The following DNAJC12 variants were observed in gnomAD, a reference collection of about 807,000 sequenced individuals.
The protein encoded by DNAJC12 is dnaJ homolog subfamily C member 12.
DNAJC12 carries 25 observed loss-of-function variants against 28.5 expected under a neutral mutation model. That is an observed-to-expected ratio of 0.88 (90% CI 0.64 to 1.22). The LOEUF (loss-of-function observed/expected upper bound fraction) is 1.22. DNAJC12 is among the 50% of genes most tolerant of loss of function. The pLI is 0.00. For missense variants in DNAJC12, 222 were observed against 231.7 expected (o/e 0.96, Z 0.27); for synonymous variants, 77 against 80.6 (o/e 0.95, Z 0.24).
chr10:67,808,683 T>A (rs1444942996), intron 3 of DNAJC12: 3 of 152,174 alleles, frequency 2.0e-5, no homozygotes, highest in African/African-American at 7.2e-5. Flanking sequence ...GCACAACATT[T>A]TTTTAAATCC....
At position 67,797,216 on chromosome 10, in the gene DNAJC12, A is replaced by G. The variant is rs1207628127; in HGVS notation, c.503-6T>C. ...ACCATTCACATCTGCAAAACCTTTA[A>G]AGGAAAGAAAGTAAATATTTAAAAT... On this transcript the variant is annotated splice_polypyrimidine_tract_variant and splice_region_variant and intron_variant, in intron 4 of 4. Transcript: ENST00000225171. 3 of 1,610,988 alleles carry G rather than the reference A, an allele frequency of 1.9e-6. No homozygotes were observed. In the South Asian group the frequency reaches 3.3e-5, roughly 18 times the overall value.
At chr10:67,803,764 G>T (rs907193763) in intron 4 of DNAJC12, among the ~76,000 whole-genome samples, 23 of 152,202 alleles carry the variant, frequency 1.5e-4, no homozygotes, top group African/African-American at 5.1e-4. Flanking sequence ...GTAGGGGAGT[G>T]ATTGTACTCC....
Position 67,811,616 on chromosome 10 carries a change from C to T in DNAJC12, c.205G>A (p.Glu69Lys). The change falls in exon 3 of 5, where the codon GAA becomes AAA. Residue 69 changes from glutamate to lysine, a missense_variant. Transcript: ENST00000225171. ...LQKAKEILTN[E>K]ESRARYDHWR... ...TGGTCATAGCGGGCTCGACTCTCTT[C>T]ATTGGTCAGAATCTCCTTTGCCTTC... The T allele has an allele frequency of 6.2e-7, 1 of 1,614,210 alleles. No individual in the cohort carries two copies. The highest frequency in any genetic ancestry group is 1.1e-5 in the South Asian group (1 of 91,082).
At position 67,796,860 on chromosome 10, in the gene DNAJC12, A is replaced by G; in HGVS notation, c.*256T>C. ...ATGGATTTCTATAAGTAGTATTAAT[A>G]GGAAAAAGCATATAATACAATCTAC... On this transcript the variant is annotated 3_prime_UTR_variant, in exon 5 of 5. Transcript: ENST00000225171. 1 of 292,434 alleles carries G rather than the reference A, an allele frequency of 3.4e-6. No individual in the cohort carries two copies. The highest frequency in any genetic ancestry group is 4.9e-5 in the Admixed American group (1 of 20,590). The allele number at this position is 292,434 out of a possible 1,614,324, so 18.1% of individuals were successfully genotyped here.
chr10:67,823,069 G>A (rs1841995854), intron 2 of DNAJC12, among the ~76,000 whole-genome samples: 1 of 151,680 alleles, frequency 6.6e-6, no homozygotes, highest in Non-Finnish European at 1.5e-5. Context: ...AATAAAGCAT[G>A]AACTAGAAGA....
intron 2 of DNAJC12, among the ~76,000 whole-genome samples, chr10:67,819,763 GAA>G (rs368921378): frequency 0.16 from 3,760 of 23,114 alleles, 427 homozygotes; most frequent in East Asian, 0.3. Context: ...AGGAAGGAAG[GAA>G]GGAAGGAAGG....
chr10:67,825,629 T>C (rs1000413563), intron 1 of DNAJC12: 1 of 1,748 alleles, frequency 5.7e-4, no homozygotes, highest in Non-Finnish European at 0.028. Context: ...GAAATTCTCA[T>C]GGGGTTCCAT....
intron 2 of DNAJC12, among the ~76,000 whole-genome samples, chr10:67,812,560 C>G (rs902652956): frequency 6.6e-6 from 1 of 152,124 alleles, no homozygotes; most frequent in South Asian, 2.1e-4. Context: ...GATTTATATA[C>G]AGGCCGGGTG....
intron 1 of DNAJC12, among the ~76,000 whole-genome samples, chr10:67,836,142 G>T (rs1320327745): frequency 1.3e-5 from 2 of 151,620 alleles, no homozygotes; most frequent in East Asian, 3.9e-4. Flanking sequence ...AGTGGGAGAT[G>T]AACAATGAGA....
At position 67,796,821 on chromosome 10, in the gene DNAJC12, G is replaced by A. The variant is rs16924882; in HGVS notation, c.*295C>T. The A allele has an allele frequency of 9.5e-3, 2,107 of 220,768 alleles. 44 individuals are homozygous for A. Among genetic ancestry groups the A allele is most frequent in the African/African-American group, 0.045 (1,980 of 43,910 alleles). The allele number at this position is 220,768 out of a possible 1,614,324, so 13.7% of individuals were successfully genotyped here. Reference sequence around the variant, plus strand: ...ATGAAATATTTAAATACACTGTACAGAGATTGCTTTTTAATGGATTTCTAT... The same window carrying A: ...ATGAAATATTTAAATACACTGTACAAAGATTGCTTTTTAATGGATTTCTAT... On this transcript the variant is annotated 3_prime_UTR_variant, in exon 5 of 5. Coordinates refer to ENST00000225171, the MANE Select transcript of DNAJC12 (RefSeq NM_021800.3).
At chr10:67,820,835 G>A (rs574197292) in intron 2 of DNAJC12, among the ~76,000 whole-genome samples, 52 of 127,352 alleles carry the variant, frequency 4.1e-4, no homozygotes, top group African/African-American at 1.5e-3. Context: ...CCAGGCTAGA[G>A]TGCAATGGCG....
At chr10:67,823,430 C>CGCCTGG in intron 1 of DNAJC12, 38 bp from the exon 2 acceptor site, 1 of 1,576,724 alleles carries the variant, frequency 6.3e-7, no homozygotes, top group South Asian at 1.1e-5. Context: ...AAGAGTCATG[C>CGCCTGG]CAGGCGCAGT....
chr10:67,817,059 C>A (rs1177290199), intron 2 of DNAJC12, among the ~76,000 whole-genome samples: 2 of 148,650 alleles, frequency 1.3e-5, no homozygotes, highest in Non-Finnish European at 3.0e-5. Flanking sequence ...TTTTTTTTTT[C>A]AGGGAATAAA....
chr10:67,827,844 T>C (rs1326064546), intron 1 of DNAJC12, among the ~76,000 whole-genome samples: 1 of 152,222 alleles, frequency 6.6e-6, no homozygotes, highest in Non-Finnish European at 1.5e-5. Context: ...GTCTATATCT[T>C]TCTTTCATTA....
At chr10:67,805,068 A>T (rs1267236201) in intron 4 of DNAJC12, among the ~76,000 whole-genome samples, 1 of 152,122 alleles carries the variant, frequency 6.6e-6, no homozygotes, top group African/African-American at 2.4e-5. Context: ...TCAATAAGGC[A>T]TTATCATAGG....
intron 4 of DNAJC12, among the ~76,000 whole-genome samples, chr10:67,801,698 G>A (rs909707546): frequency 2.6e-5 from 4 of 151,228 alleles, no homozygotes; most frequent in Non-Finnish European, 4.4e-5. Flanking sequence ...GCTGAGGCAG[G>A]AGAATCTCTT....
chr10:67,829,411 C>T (rs536333133), intron 1 of DNAJC12, among the ~76,000 whole-genome samples: 2 of 152,096 alleles, frequency 1.3e-5, no homozygotes, highest in Non-Finnish European at 2.9e-5. Flanking sequence ...GAGGCCGAGG[C>T]GGGTGGATCA....
chr10:67,806,444 A>C (rs80078909), intron 3 of DNAJC12, among the ~76,000 whole-genome samples: 3,450 of 152,296 alleles, frequency 0.023, 138 homozygotes, highest in African/African-American at 0.079. Flanking sequence ...AACCAGTCCA[A>C]AGGCTAATCA....
chr10:67,804,177 G>A (rs1400563085), intron 4 of DNAJC12, among the ~76,000 whole-genome samples: 2 of 152,166 alleles, frequency 1.3e-5, no homozygotes, highest in African/African-American at 2.4e-5. Flanking sequence ...TGTATACAAT[G>A]TGTGTATATA....
Sources: gnomAD v4.1 joint callset for allele counts (sites outside exome capture counted in the v4.1 genomes callset) on GRCh38, gnomAD v4.1.1 for gene constraint, MANE v1.5 for transcripts, NCBI Gene and HGNC (gene_info 2026-07-23, HGNC 2026-07-21) for gene names.